SCFD2: variants seen among roughly 807,000 people sequenced by gnomAD.
SCFD2 encodes the protein sec1 family domain-containing protein 2.
A neutral mutation model predicts 58.9 loss-of-function variants in SCFD2; 54 were observed. That is an observed-to-expected ratio of 0.92 (90% CI 0.74 to 1.15). SCFD2 has a LOEUF of 1.15. Ranked by LOEUF, SCFD2 falls within the 50% of genes most tolerant of loss-of-function variation. The pLI is 0.00. For missense variants in SCFD2, 805 were observed against 836.6 expected, an observed-to-expected ratio of 0.96 and a Z score of 0.47; for synonymous variants, 321 against 335.9, an observed-to-expected ratio of 0.96 and a Z score of 0.49.
rs770209933 is a variant in SCFD2 at position 53,013,475 on chromosome 4, C to G, written c.1562-92605G>C. Among the ~76,000 whole-genome samples, 3 of 152,192 alleles carry G rather than the reference C, an allele frequency of 2.0e-5. No individual in the cohort carries two copies. In the East Asian group the frequency reaches 5.8e-4, roughly 29 times the overall value. On this transcript the variant is annotated intron_variant, in intron 5 of 8. Transcript: ENST00000401642. ...TGTGAGAATATTTCCTTTTTTATTA[C>G]TTGGGATTTTGCCATGTGGCTTTTT...
intron 5 of SCFD2, among the ~76,000 whole-genome samples, chr4:52,983,892 T>C (rs1314347362): frequency 6.6e-6 from 1 of 152,240 alleles, no homozygotes; most frequent in Non-Finnish European, 1.5e-5. Context: ...TACACCCTTC[T>C]TAAGATAGAT....
At chr4:53,175,442 G>C (rs1437926334) in intron 4 of SCFD2, among the ~76,000 whole-genome samples, 1 of 152,028 alleles carries the variant, frequency 6.6e-6, no homozygotes, top group African/African-American at 2.4e-5. Context: ...TAATCTGCAA[G>C]TAATTCAATG....
chr4:52,933,195 A>C (rs1720041867), intron 5 of SCFD2, among the ~76,000 whole-genome samples: 1 of 152,106 alleles, frequency 6.6e-6, no homozygotes, highest in Non-Finnish European at 1.5e-5. Flanking sequence ...TAGGACAGGA[A>C]GCAGCAGCTC....
chr4:52,897,831 C>T (rs7654882), intron 7 of SCFD2, among the ~76,000 whole-genome samples: 2 of 152,088 alleles, frequency 1.3e-5, no homozygotes, highest in Admixed American at 6.6e-5. Context: ...CTCAATTTCA[C>T]AGCCTGTTAT....
intron 8 of SCFD2, among the ~76,000 whole-genome samples, chr4:52,877,635 T>G (rs1435738389): frequency 6.6e-6 from 1 of 152,200 alleles, no homozygotes; most frequent in African/African-American, 2.4e-5. Flanking sequence ...CTAGAGGGGC[T>G]TAGAATGGCA....
At chr4:53,246,358 T>C (rs575125180) in intron 4 of SCFD2, among the ~76,000 whole-genome samples, 1 of 152,330 alleles carries the variant, frequency 6.6e-6, no homozygotes, top group Non-Finnish European at 1.5e-5. Context: ...AAAATTCATA[T>C]GGAACAACAA....
chr4:53,123,532 T>TG (rs11293174), intron 5 of SCFD2, among the ~76,000 whole-genome samples: 4,297 of 95,076 alleles, frequency 0.045, 231 homozygotes, highest in African/African-American at 0.17. Context: ...GAGATGGGGG[T>TG]GGGGGGGGGG....
intron 5 of SCFD2, among the ~76,000 whole-genome samples, chr4:53,005,974 G>C (rs1721962638): frequency 6.6e-6 from 1 of 152,124 alleles, no homozygotes; most frequent in Non-Finnish European, 1.5e-5. Flanking sequence ...GGAAGGAGGG[G>C]GACCCAGCAC....
chr4:53,198,513 G>A (rs1480914668), intron 4 of SCFD2, among the ~76,000 whole-genome samples: 4 of 152,060 alleles, frequency 2.6e-5, no homozygotes, highest in East Asian at 3.9e-4. Context: ...AGCAATTATT[G>A]TAATCATGTT....
Position 53,106,142 on chromosome 4 carries a change from G to A in SCFD2, c.1561+39191C>T, listed in dbSNP as rs193174965. On this transcript the variant is annotated intron_variant, in intron 5 of 8. Transcript: ENST00000401642. ...AGCAGAGGGGCCTGACTGTTTAGAAGGAAAACAAATAAACAGAAAGGAATA... is the reference window on the plus strand; with the variant it reads ...AGCAGAGGGGCCTGACTGTTTAGAAAGAAAACAAATAAACAGAAAGGAATA... Among the ~76,000 whole-genome samples, 42 of 152,092 alleles carry A rather than the reference G, an allele frequency of 2.8e-4. No homozygotes were observed. In the East Asian group the frequency reaches 7.7e-3, roughly 28 times the overall value.
chr4:53,212,250 AC>A (rs1177633459), intron 4 of SCFD2, among the ~76,000 whole-genome samples: 1 of 152,036 alleles, frequency 6.6e-6, no homozygotes, highest in African/African-American at 2.4e-5. Context: ...GGTAAAGTTA[AC>A]CATACATTAT....
At chr4:52,992,993 T>C (rs1721657216) in intron 5 of SCFD2, among the ~76,000 whole-genome samples, 1 of 151,808 alleles carries the variant, frequency 6.6e-6, no homozygotes, top group African/African-American at 2.4e-5. Context: ...ATCAGATTGT[T>C]GCTGTGTCTG....
intron 5 of SCFD2, among the ~76,000 whole-genome samples, chr4:53,041,211 T>C (rs1304588327): frequency 6.6e-6 from 1 of 152,128 alleles, no homozygotes; most frequent in Non-Finnish European, 1.5e-5. Flanking sequence ...ATGGCAGACG[T>C]TTGTTTCTAG....
chr4:53,087,123 T>G (rs956813006), intron 5 of SCFD2, among the ~76,000 whole-genome samples: 8 of 152,134 alleles, frequency 5.3e-5, no homozygotes, highest in African/African-American at 1.9e-4. Flanking sequence ...TAAAAGTATC[T>G]CATGTACCCC....
At chr4:52,970,223 G>A (rs962883575) in intron 5 of SCFD2, among the ~76,000 whole-genome samples, 3 of 152,216 alleles carry the variant, frequency 2.0e-5, no homozygotes, top group African/African-American at 2.4e-5. Flanking sequence ...GCGAGGCATC[G>A]CCTCACCCGG....
Position 52,992,781 on chromosome 4 carries a change from C to T in SCFD2, c.1562-71911G>A, listed in dbSNP as rs11735529. On this transcript the variant is annotated intron_variant, in intron 5 of 8. Coordinates refer to ENST00000401642, the MANE Select transcript of SCFD2 (RefSeq NM_152540.4). ...GCCCCATGTGTGAAGTGAAGCCCCCCCTCCGCCAGGCAGCCGCCCCGTCCG... is the reference window on the plus strand; with the variant it reads ...GCCCCATGTGTGAAGTGAAGCCCCCTCTCCGCCAGGCAGCCGCCCCGTCCG... Among the ~76,000 whole-genome samples, 3 of 151,616 alleles carry T rather than the reference C, an allele frequency of 2.0e-5. No homozygotes were observed. The East Asian group carries it at 5.9e-4, about 30-fold the overall frequency.
At chr4:53,129,890 C>G (rs77536322) in intron 5 of SCFD2, among the ~76,000 whole-genome samples, 3,148 of 152,274 alleles carry the variant, frequency 0.021, 43 homozygotes, top group Middle Eastern at 0.048. Context: ...ATACCTTCAC[C>G]TGGAAAGCAT....
chr4:52,980,283 T>C (rs1178650087), intron 5 of SCFD2, among the ~76,000 whole-genome samples: 2 of 152,238 alleles, frequency 1.3e-5, no homozygotes, highest in Non-Finnish European at 2.9e-5. Flanking sequence ...ACAGCAATTC[T>C]ATGAGGCAGG....
chr4:53,128,991 C>T (rs1312926385), intron 5 of SCFD2, among the ~76,000 whole-genome samples: 8 of 152,140 alleles, frequency 5.3e-5, no homozygotes, highest in Admixed American at 5.2e-4. Flanking sequence ...ATTTGTTTTT[C>T]TTAACTACCA....
Sources: gnomAD v4.1 joint callset for allele counts (sites outside exome capture counted in the v4.1 genomes callset) on GRCh38, gnomAD v4.1.1 for gene constraint, MANE v1.5 for transcripts, NCBI Gene and HGNC (gene_info 2026-07-23, HGNC 2026-07-21) for gene names.